The following MCTP1 variants were observed in gnomAD, a reference collection of about 807,000 sequenced individuals.
MCTP1 encodes multiple C2 and transmembrane domain-containing protein 1.
MCTP1 carries 69 observed loss-of-function variants against 120.6 expected under a neutral mutation model. The observed-to-expected ratio is 0.57, with a 90% CI of 0.47 to 0.70. The LOEUF (loss-of-function observed/expected upper bound fraction) is 0.70, where lower values mean the gene tolerates loss of function less well. MCTP1 is among the 30% of genes least tolerant of loss of function. MCTP1 has a pLI of 0.00. For synonymous variants in MCTP1, 529 were observed against 493.1 expected (o/e 1.07, Z -0.96); for missense variants, 1,203 against 1,248.8 (o/e 0.96, Z 0.55).
At chr5:94,848,200 T>C (rs1792915865) in intron 17 of MCTP1, among the ~76,000 whole-genome samples, 1 of 152,194 alleles carries the variant, frequency 6.6e-6, no homozygotes, top group Non-Finnish European at 1.5e-5. Flanking sequence ...GAATATGTCA[T>C]TGAGTTTTAT....
chr5:94,970,025 A>AT (rs1185270832), intron 2 of MCTP1, among the ~76,000 whole-genome samples: 1 of 152,012 alleles, frequency 6.6e-6, no homozygotes, highest in Non-Finnish European at 1.5e-5. Flanking sequence ...GTAAACCAAC[A>AT]TTTTTTCCAT....
intron 1 of MCTP1, among the ~76,000 whole-genome samples, chr5:95,037,868 AAAAAAC>A (rs1420334046): frequency 1.3e-5 from 2 of 152,180 alleles, no homozygotes; most frequent in Admixed American, 1.3e-4. Flanking sequence ...CTCTGTCTCA[AAAAAAC>A]AAAAACAAAA....
chr5:94,980,810 G>T (rs73136095), intron 2 of MCTP1: 2 of 151,730 alleles, frequency 1.3e-5, no homozygotes, highest in Non-Finnish European at 2.9e-5. Context: ...AGTTTTTTTC[G>T]TTTTAAAATA....
intron 1 of MCTP1, among the ~76,000 whole-genome samples, chr5:95,045,859 T>C (rs1297187818): frequency 6.6e-6 from 1 of 152,174 alleles, no homozygotes; most frequent in East Asian, 1.9e-4. Flanking sequence ...TATCACTCTG[T>C]AGCCAGACTG....
intron 1 of MCTP1, among the ~76,000 whole-genome samples, chr5:95,271,900 C>T (rs1255773505): frequency 6.6e-6 from 1 of 152,122 alleles, no homozygotes; most frequent in Non-Finnish European, 1.5e-5. Flanking sequence ...CAAATGCCGT[C>T]TTCCAATTGT....
At chr5:94,990,730 A>C (rs1831382287) in intron 2 of MCTP1, among the ~76,000 whole-genome samples, 1 of 152,234 alleles carries the variant, frequency 6.6e-6, no homozygotes, top group African/African-American at 2.4e-5. Context: ...AAAGACATGG[A>C]TCATTAGAGG....
intron 4 of MCTP1, 125 bp downstream of exon 4, chr5:94,942,223 G>T (rs1345249035): frequency 1.6e-6 from 1 of 624,686 alleles, no homozygotes; most frequent in Non-Finnish European, 2.8e-6. Flanking sequence ...TTTGAGAAAG[G>T]CTGACTAGCA....
At chr5:95,237,034 C>A (rs11949033) in intron 1 of MCTP1, among the ~76,000 whole-genome samples, 56,764 of 151,884 alleles carry the variant, frequency 0.37, 10,699 homozygotes, top group Middle Eastern at 0.44. Context: ...CATATCAGTT[C>A]ACATTCCCAG....
In MCTP1 at chr5:95,003,826, A is replaced by G. The variant is rs1834172647; in HGVS notation, c.838+13541T>C. 2.6e-5 allele frequency among the ~76,000 whole-genome samples: 4 copies of G among 152,314 alleles called. No individual in the cohort carries two copies. The South Asian group carries it at 8.3e-4, about 32-fold the overall frequency. Reference sequence around the variant, plus strand: ...CTTTATAGCAGTGTGACAGTGGACTAATCCAGAAAATTGGTACCAGAGAAG... The same window carrying G: ...CTTTATAGCAGTGTGACAGTGGACTGATCCAGAAAATTGGTACCAGAGAAG... On this transcript the variant is annotated intron_variant, in intron 2 of 22. Coordinates refer to ENST00000515393, the MANE Select transcript of MCTP1 (RefSeq NM_024717.7).
intron 2 of MCTP1, among the ~76,000 whole-genome samples, chr5:94,981,435 C>T (rs1374011295): frequency 6.6e-6 from 1 of 152,138 alleles, no homozygotes; most frequent in East Asian, 1.9e-4. Context: ...TATGATTTTC[C>T]TTTCCTGAAA....
intron 19 of MCTP1, among the ~76,000 whole-genome samples, chr5:94,742,212 A>C (rs72773602): frequency 0.12 from 18,868 of 152,148 alleles, 1,458 homozygotes; most frequent in Admixed American, 0.18. Context: ...AAATTTTTTT[A>C]AATTTTCTAT....
At chr5:95,189,542 G>A (rs1749606261) in intron 1 of MCTP1, among the ~76,000 whole-genome samples, 1 of 152,110 alleles carries the variant, frequency 6.6e-6, no homozygotes, top group Non-Finnish European at 1.5e-5. Flanking sequence ...GAAATGTCTG[G>A]GGAGTTTCTA....
At chr5:95,152,708 T>C (rs1249559343) in intron 1 of MCTP1, among the ~76,000 whole-genome samples, 1 of 152,204 alleles carries the variant, frequency 6.6e-6, no homozygotes, top group African/African-American at 2.4e-5. Context: ...TACATTCTTA[T>C]GTTTGTGTGG....
At chr5:94,948,440 T>C (rs1819661856) in intron 3 of MCTP1, among the ~76,000 whole-genome samples, 1 of 152,216 alleles carries the variant, frequency 6.6e-6, no homozygotes, top group African/African-American at 2.4e-5. Flanking sequence ...TGCTTTTTTG[T>C]TTGTTTTGTT....
At chr5:95,206,771 C>T (rs778281451) in intron 1 of MCTP1, among the ~76,000 whole-genome samples, 16 of 152,102 alleles carry the variant, frequency 1.1e-4, no homozygotes, top group Non-Finnish European at 1.9e-4. Flanking sequence ...CTCTTGAACT[C>T]GTGATCCACC....
intron 1 of MCTP1, among the ~76,000 whole-genome samples, chr5:95,045,668 G>T (rs1486742945): frequency 6.6e-6 from 1 of 152,218 alleles, no homozygotes; most frequent in East Asian, 1.9e-4. Flanking sequence ...GAGCCAAAGG[G>T]AGTCAAAAGC....
In MCTP1 at chr5:95,186,825, C is replaced by A. The variant is rs377296655; in HGVS notation, c.720+97031G>T. On this transcript the variant is annotated intron_variant, in intron 1 of 22. Coordinates refer to ENST00000515393, the MANE Select transcript of MCTP1 (RefSeq NM_024717.7). ...CAGACTCTAGATCTATTCCTAGATC[C>A]ATCCAGAGAGAGCCACAGAAGAGAA... Among the ~76,000 whole-genome samples, 4 of 152,252 alleles carry A rather than the reference C, an allele frequency of 2.6e-5. No individual in the cohort carries two copies. The East Asian group carries it at 7.7e-4, about 29-fold the overall frequency.
chr5:94,865,152 A>G (rs1392727632), intron 17 of MCTP1, among the ~76,000 whole-genome samples: 1 of 151,844 alleles, frequency 6.6e-6, no homozygotes, highest in Non-Finnish European at 1.5e-5. Flanking sequence ...CCTGTCTCTA[A>G]TATCATCAGC....
intron 1 of MCTP1, among the ~76,000 whole-genome samples, chr5:95,198,414 A>G (rs1288427768): frequency 6.6e-6 from 1 of 152,190 alleles, no homozygotes; most frequent in Non-Finnish European, 1.5e-5. Flanking sequence ...CACTTTTAGT[A>G]CAGAATTAAA....
Sources: gnomAD v4.1 joint callset for allele counts (sites outside exome capture counted in the v4.1 genomes callset) on GRCh38, gnomAD v4.1.1 for gene constraint, MANE v1.5 for transcripts, NCBI Gene and HGNC (gene_info 2026-07-23, HGNC 2026-07-21) for gene names.